Variants in PMS1 observed in about 807,000 individuals in gnomAD.
PMS1 encodes PMS1 homolog 1, mismatch repair system component.
PMS1 carries 79 observed loss-of-function variants against 93.1 expected under a neutral mutation model. That is an observed-to-expected ratio of 0.85 (90% CI 0.71 to 1.02). PMS1 has a LOEUF of 1.02. Ranked by LOEUF, PMS1 falls within the 50% of genes least tolerant of loss-of-function variation. The pLI, the probability that PMS1 is intolerant of heterozygous loss-of-function variation, is 0.00. For synonymous variants in PMS1, 335 were observed against 363.4 expected, an observed-to-expected ratio of 0.92 and a Z score of 0.89; for missense variants, 1,064 against 1,085.3, an observed-to-expected ratio of 0.98 and a Z score of 0.28.
intron 1 of PMS1, among the ~76,000 whole-genome samples, chr2:189,787,178 A>AG (rs1203053480): frequency 6.6e-6 from 1 of 152,226 alleles, no homozygotes; most frequent in African/African-American, 2.4e-5. Context: ...CCTAAAGTCC[A>AG]GAAAAAAAGT....
intron 12 of PMS1, 58 bp from the exon 13 acceptor site, chr2:189,877,204 TGCCAGGATAA>T: frequency 8.0e-7 from 1 of 1,245,692 alleles, no homozygotes; most frequent in Admixed American, 1.9e-5. Flanking sequence ...TCTTCCTTTT[TGCCAGGATAA>T]CATGTTTTCA....
chr2:189,840,108 A>G (rs112046737), intron 5 of PMS1, among the ~76,000 whole-genome samples: 68 of 152,310 alleles, frequency 4.5e-4, no homozygotes, highest in African/African-American at 1.5e-3. Context: ...GATTTCATAT[A>G]CTTGTTAAAA....
chr2:189,852,254 T>C (rs971791455), intron 6 of PMS1, among the ~76,000 whole-genome samples: 28 of 152,060 alleles, frequency 1.8e-4, no homozygotes, highest in African/African-American at 6.8e-4. Context: ...AACTTCTTTA[T>C]AGGAAAAGAT....
intron 5 of PMS1, among the ~76,000 whole-genome samples, chr2:189,839,779 A>C (rs1034910474): frequency 1.3e-5 from 2 of 152,256 alleles, no homozygotes; most frequent in East Asian, 3.9e-4. Flanking sequence ...TTTTATCTTT[A>C]TATTCCCAGA....
chr2:189,801,393 G>T (rs1341869700), intron 3 of PMS1, among the ~76,000 whole-genome samples: 4 of 152,100 alleles, frequency 2.6e-5, no homozygotes, highest in Non-Finnish European at 5.9e-5. Context: ...CACAGTGACT[G>T]GGTTGAAATA....
intron 2 of PMS1, among the ~76,000 whole-genome samples, chr2:189,792,669 G>GTA (rs1203105898): frequency 4.0e-5 from 4 of 100,036 alleles, no homozygotes; most frequent in African/African-American, 1.1e-4. Context: ...AGATAAACAT[G>GTA]TATATATATA....
intron 5 of PMS1, among the ~76,000 whole-genome samples, chr2:189,828,818 T>G (rs1172845781): frequency 6.6e-6 from 1 of 151,004 alleles, no homozygotes; most frequent in African/African-American, 2.5e-5. Flanking sequence ...TCTAAACATT[T>G]GATGACAGAG....
Position 189,864,069 on chromosome 2 carries a change from A to G in PMS1, c.2183A>G (p.His728Arg). 1 of 1,613,612 alleles carries G rather than the reference A, an allele frequency of 6.2e-7. No individual in the cohort carries two copies. Among genetic ancestry groups the G allele is most frequent in the Non-Finnish European group, 8.5e-7 (1 of 1,179,594 alleles). ...GAGAAGGATGAACCTTGCTTGATCC[A>G]CAATCTCAGGTTTCCTGATGCATGG... ...LEEKDEPCLI[H>R]NLRFPDAWLM... The change falls in exon 10 of 13, where the codon CAC becomes CGC. Residue 728 changes from histidine to arginine, a missense_variant. Transcript: ENST00000441310.
chr2:189,866,440 T>C (rs988538045), intron 10 of PMS1, among the ~76,000 whole-genome samples: 1 of 152,154 alleles, frequency 6.6e-6, no homozygotes, highest in African/African-American at 2.4e-5. Context: ...GAATGTGGCA[T>C]CCCCATCACA....
At chr2:189,823,017 A>G (rs2052076581) in intron 5 of PMS1, among the ~76,000 whole-genome samples, 1 of 152,208 alleles carries the variant, frequency 6.6e-6, no homozygotes, top group Admixed American at 6.5e-5. Flanking sequence ...CTGGTGGGAA[A>G]TGCTGTGAAT....
Position 189,844,221 on chromosome 2 carries a change from A to T in PMS1, c.699+141A>T. 3 of 1,374,404 alleles carry T rather than the reference A, an allele frequency of 2.2e-6. No homozygotes were observed. In the South Asian group the frequency reaches 4.2e-5, roughly 19 times the overall value. The allele number at this position is 1,374,404 out of a possible 1,614,324, so 85.1% of individuals were successfully genotyped here. Reference sequence around the variant, plus strand: ...ATGTGTGTAAGGTAAAACAGTCAATACAGAGCTTATGTTAAACCTCTTTCC... The same window carrying T: ...ATGTGTGTAAGGTAAAACAGTCAATTCAGAGCTTATGTTAAACCTCTTTCC... On this transcript the variant is annotated intron_variant, in intron 6 of 12. Coordinates refer to ENST00000441310, the MANE Select transcript of PMS1 (RefSeq NM_000534.5).
intron 4 of PMS1, among the ~76,000 whole-genome samples, chr2:189,814,003 A>G (rs1213058562): frequency 1.3e-5 from 2 of 152,176 alleles, no homozygotes; most frequent in East Asian, 3.8e-4. Context: ...AGGATCTGGT[A>G]TAGATTCTGG....
At chr2:189,875,130 G>A (rs956285784) in intron 12 of PMS1, among the ~76,000 whole-genome samples, 3 of 151,468 alleles carry the variant, frequency 2.0e-5, no homozygotes, top group Non-Finnish European at 4.4e-5. Context: ...CAAGAGAGGG[G>A]TGGATGTAAA....
At chr2:189,811,747 A>G (rs142324100) in intron 4 of PMS1, among the ~76,000 whole-genome samples, 2 of 152,360 alleles carry the variant, frequency 1.3e-5, no homozygotes, top group Non-Finnish European at 2.9e-5. Flanking sequence ...TAACTACATC[A>G]TAATTGAATT....
chr2:189,854,558 A>AT lies in PMS1; in HGVS notation c.1287dup (p.Lys430Ter), dbSNP rs2055117929. 6.2e-7 allele frequency: 1 copy of AT among 1,613,538 alleles called. No individual in the cohort carries two copies. Among genetic ancestry groups the AT allele is most frequent in the Non-Finnish European group, 8.5e-7 (1 of 1,179,576 alleles). On this transcript the variant is annotated frameshift_variant, in exon 9 of 13. Coordinates refer to ENST00000441310, the MANE Select transcript of PMS1 (RefSeq NM_000534.5). LOFTEE classifies it high-confidence loss of function. ...TGTAGTAGTGAAATTTCTAACATTG[A>AT]TAAAAACACTAAGAATGCATTTCAG...
At chr2:189,855,317 C>T (rs578017126) in intron 9 of PMS1, among the ~76,000 whole-genome samples, 189 bp downstream of exon 9, 37 of 145,440 alleles carry the variant, frequency 2.5e-4, no homozygotes, top group African/African-American at 8.5e-4. Context: ...TTTGTTGGGG[C>T]GGGGGCTTGT....
chr2:189,876,665 G>A (rs192784727), intron 12 of PMS1, among the ~76,000 whole-genome samples: 1 of 152,116 alleles, frequency 6.6e-6, no homozygotes, highest in East Asian at 1.9e-4. Flanking sequence ...CTGGAGGGCA[G>A]TGGCATGATC....
At chr2:189,855,278 A>G in intron 9 of PMS1, 150 bp downstream of exon 9, 1 of 654,626 alleles carries the variant, frequency 1.5e-6, no homozygotes, top group Non-Finnish European at 2.6e-6. Flanking sequence ...TTTTTTGGTA[A>G]CACTTTTTTT....
intron 6 of PMS1, among the ~76,000 whole-genome samples, chr2:189,851,196 G>A (rs760923994): frequency 3.3e-5 from 5 of 152,078 alleles, no homozygotes; most frequent in Non-Finnish European, 7.4e-5. Flanking sequence ...CATTTTTAAA[G>A]CTCAGTATCT....
Sources: allele counts gnomAD v4.1 joint callset (sites outside exome capture counted in the v4.1 genomes callset), GRCh38; gene constraint gnomAD v4.1.1; transcripts MANE v1.5; gene names NCBI Gene and HGNC (gene_info 2026-07-23, HGNC 2026-07-21).